ARHGAP17: variants seen among roughly 807,000 people sequenced by gnomAD.
ARHGAP17 encodes the protein Rho GTPase activating protein 17.
A neutral mutation model predicts 99.5 loss-of-function variants in ARHGAP17; 57 were observed. That is an observed-to-expected ratio of 0.57 (90% confidence interval 0.46 to 0.71). The LOEUF (loss-of-function observed/expected upper bound fraction) is 0.71. Among genes scored for constraint, ARHGAP17 ranks in the 30% least tolerant of loss-of-function variants. ARHGAP17 has a pLI of 0.00. For synonymous variants in ARHGAP17, 417 were observed against 429.6 expected (o/e 0.97, Z 0.36); for missense variants, 1,000 against 1,122.4 (o/e 0.89, Z 1.56).
intron 1 of ARHGAP17, among the ~76,000 whole-genome samples, chr16:24,986,177 G>T (rs982229361): frequency 2.6e-5 from 4 of 152,140 alleles, no homozygotes; most frequent in Non-Finnish European, 4.4e-5. Flanking sequence ...TGCTTTCTAT[G>T]CCCCAGACAC....
At chr16:24,932,622 T>G (rs150077941) in intron 18 of ARHGAP17, among the ~76,000 whole-genome samples, 2 of 152,124 alleles carry the variant, frequency 1.3e-5, no homozygotes, top group African/African-American at 4.8e-5. Flanking sequence ...TTTGAGTTAA[T>G]AGATATGTCC....
intron 19 of ARHGAP17, among the ~76,000 whole-genome samples, chr16:24,926,122 G>A (rs1236499611): frequency 3.1e-4 from 40 of 128,396 alleles, no homozygotes; most frequent in African/African-American, 1.6e-3. Flanking sequence ...AAAAAAAAAA[G>A]AAAAGAAAAG....
chr16:24,940,057 T>C (rs1238858506), intron 16 of ARHGAP17: 1 of 172,998 alleles, frequency 5.8e-6, no homozygotes, highest in African/African-American at 2.4e-5. Context: ...CAGCTTGGAC[T>C]ACTGGCACAC....
chr16:25,001,376 T>C (rs2053356275), intron 1 of ARHGAP17, among the ~76,000 whole-genome samples: 1 of 152,184 alleles, frequency 6.6e-6, no homozygotes. Context: ...TATTAGGCCA[T>C]AAAAACCTGG....
Position 24,968,459 on chromosome 16 carries a change from C to T in ARHGAP17, c.385-32G>A, listed in dbSNP as rs1397520242. 33 of 1,611,040 alleles carry T rather than the reference C, an allele frequency of 2.0e-5. No homozygotes were observed. In the Admixed American group the frequency reaches 5.5e-4, roughly 27 times the overall value. On this transcript the variant is annotated intron_variant, in intron 5 of 19. Coordinates refer to ENST00000289968, the MANE Select transcript of ARHGAP17 (RefSeq NM_001006634.3). ...ATAAGAACATACCAAATGGGATGCA[C>T]TTCAGGGCTTTTAGGTTAACCATTT...
At chr16:24,954,764 C>A in intron 9 of ARHGAP17, 34 bp from the exon 10 acceptor site, 1 of 1,609,928 alleles carries the variant, frequency 6.2e-7, no homozygotes, top group Non-Finnish European at 8.5e-7. Flanking sequence ...AGACACCCAA[C>A]AAACTCACGG....
chr16:24,998,382 C>T (rs1006001201), intron 1 of ARHGAP17, among the ~76,000 whole-genome samples: 4 of 152,060 alleles, frequency 2.6e-5, no homozygotes, highest in African/African-American at 9.6e-5. Flanking sequence ...CCCAGGACAG[C>T]GGCACAGGTG....
In ARHGAP17 at chr16:24,930,771, A is replaced by G. The variant is rs369999072; in HGVS notation, c.2515+13T>C. ...AGCAGACGAGGAAATACGGGCATTG[A>G]TGTCCTACTTACCTGTTACTATCTT... is the stretch of plus-strand genomic sequence containing the variant. On this transcript the variant is annotated intron_variant, in intron 19 of 19. Transcript: ENST00000289968. The G allele has an allele frequency of 2.5e-6, 4 of 1,614,086 alleles. No homozygotes were observed. In the African/African-American group the frequency reaches 5.3e-5, roughly 22 times the overall value.
At chr16:24,932,360 T>A (rs968216488) in intron 18 of ARHGAP17, among the ~76,000 whole-genome samples, 22 of 152,144 alleles carry the variant, frequency 1.4e-4, no homozygotes, top group African/African-American at 5.3e-4. Flanking sequence ...GTTTTGAAAG[T>A]TCAATAAGAA....
chr16:25,001,056 T>C (rs1026762689), intron 1 of ARHGAP17, among the ~76,000 whole-genome samples: 4 of 152,226 alleles, frequency 2.6e-5, no homozygotes, highest in Non-Finnish European at 5.9e-5. Context: ...TAGAATCATA[T>C]GCCCTTTACA....
intron 19 of ARHGAP17, 106 bp from the exon 20 acceptor site, chr16:24,920,366 C>A: frequency 7.0e-7 from 1 of 1,425,110 alleles, no homozygotes; most frequent in Non-Finnish European, 9.6e-7. Context: ...CAGGGTCAGC[C>A]CATGCACACA....
chr16:25,008,654 C>T (rs1464210035), intron 1 of ARHGAP17, among the ~76,000 whole-genome samples: 3 of 152,318 alleles, frequency 2.0e-5, no homozygotes, highest in East Asian at 3.9e-4. Context: ...CTGACTGCAG[C>T]GCCCTAGGCC....
Position 24,930,909 on chromosome 16 carries a change from G to T in ARHGAP17, c.2390C>A (p.Pro797Gln), listed in dbSNP as rs368479893. The T allele has an allele frequency of 2.1e-5, 34 of 1,613,918 alleles. No individual in the cohort carries two copies. The highest frequency in any genetic ancestry group is 2.9e-5 in the Non-Finnish European group (34 of 1,180,004). ...AQPHAGTLPRPRPVPKPRNRP... is the reference protein window; with the variant it reads ...AQPHAGTLPRQRPVPKPRNRP... ...GTTCCTTGGCTTTGGTACTGGTCTCGGTCTCGGTAAGGTTCCAGCATGTGG... is the reference window on the plus strand; with the variant it reads ...GTTCCTTGGCTTTGGTACTGGTCTCTGTCTCGGTAAGGTTCCAGCATGTGG... Residue 797 changes from proline (P) to glutamine (Q), a missense_variant, in exon 19 of 20, where the codon CCG becomes CAG. Pro to Gln is a moderately conservative substitution (Grantham distance 76). This residue lies in a region of ARHGAP17 where 528 missense variants were observed against 511.4 expected (regional missense o/e 1.03). Transcript: ENST00000289968.
At chr16:25,002,534 CA>C (rs2053390638) in intron 1 of ARHGAP17, among the ~76,000 whole-genome samples, 1 of 152,192 alleles carries the variant, frequency 6.6e-6, no homozygotes, top group Non-Finnish European at 1.5e-5. Flanking sequence ...CAGTAGCCCT[CA>C]AACCATCATT....
intron 1 of ARHGAP17, among the ~76,000 whole-genome samples, chr16:25,001,848 C>T (rs539700015): frequency 6.6e-6 from 1 of 152,200 alleles, no homozygotes; most frequent in Admixed American, 6.5e-5. Flanking sequence ...CTTTGGGAGA[C>T]CAAGGTAGGA....
chr16:25,002,495 T>C (rs2053389113), intron 1 of ARHGAP17, among the ~76,000 whole-genome samples: 1 of 152,154 alleles, frequency 6.6e-6, no homozygotes, highest in African/African-American at 2.4e-5. Context: ...CTCAACCTTT[T>C]GCCGAAAAGA....
At position 24,964,217 on chromosome 16, in the gene ARHGAP17, T is replaced by G. The variant is rs2052102022; in HGVS notation, c.553A>C (p.Asn185His). 1.9e-6 allele frequency: 3 copies of G among 1,612,688 alleles called. No homozygotes were observed. The South Asian group carries it at 3.3e-5, about 18-fold the overall frequency. The change falls in exon 7 of 20, where the codon AAT (asparagine) becomes CAT (histidine). Residue 185 changes from asparagine to histidine, a missense_variant. Physicochemically the swap from Asn to His is moderately conservative, Grantham distance 68. Around this residue, in one of 2 missense-constraint regions of ARHGAP17, gnomAD observed 472 missense variants for 611.1 expected, o/e 0.77. Coordinates refer to ENST00000289968, the MANE Select transcript of ARHGAP17 (RefSeq NM_001006634.3). ...TLKEEMDEAG[N>H]KVEQCKDQLA... ...CATACCTTGCACTGTTCTACTTTAT[T>G]TCCAGCTTCATCCATCTCTTCCTTT...
intron 1 of ARHGAP17, among the ~76,000 whole-genome samples, chr16:24,999,717 C>T (rs925097612): frequency 6.6e-6 from 1 of 152,186 alleles, no homozygotes; most frequent in African/African-American, 2.4e-5. Flanking sequence ...CATGTCCCAC[C>T]TACAGGCTAT....
At chr16:24,942,963 G>A (rs114612755) in intron 15 of ARHGAP17, among the ~76,000 whole-genome samples, 2,375 of 152,214 alleles carry the variant, frequency 0.016, 52 homozygotes, top group African/African-American at 0.052. Context: ...GATTCCTGAT[G>A]GTGACAAAAC....
Sources: gnomAD v4.1 joint callset for allele counts (sites outside exome capture counted in the v4.1 genomes callset) on GRCh38, gnomAD v4.1.1 for gene constraint, gnomAD v4.1.1 regional missense constraint, MANE v1.5 for transcripts, NCBI Gene and HGNC (gene_info 2026-07-23, HGNC 2026-07-21) for gene names.